The following FYB1 variants were observed in gnomAD, a reference collection of about 807,000 sequenced individuals.
FYB1 encodes the protein FYN binding protein 1.
Under a neutral mutation model 94.1 loss-of-function variants are expected in FYB1, and 41 were observed. The observed-to-expected ratio is 0.44, with a 90% confidence interval of 0.34 to 0.57. FYB1 has a LOEUF of 0.57. Among genes scored for constraint, FYB1 ranks in the 20% least tolerant of loss-of-function variants. The probability of loss-of-function intolerance (pLI) is 0.02; values close to 1 mark genes in which losing one functional copy is unlikely to be tolerated. For synonymous variants in FYB1, 367 were observed against 353.2 expected (o/e 1.04, Z -0.44); for missense variants, 1,050 against 976.8 (o/e 1.07, Z -1.00).
At chr5:39,182,129 G>T (rs1746297103) in intron 2 of FYB1, among the ~76,000 whole-genome samples, 1 of 152,038 alleles carries the variant, frequency 6.6e-6, no homozygotes, top group Non-Finnish European at 1.5e-5. Context: ...ATAAGGTTCG[G>T]TTCCTGCCTA....
chr5:39,234,422 A>G (rs1188809572), intron 1 of FYB1, among the ~76,000 whole-genome samples: 2 of 152,090 alleles, frequency 1.3e-5, no homozygotes, highest in Admixed American at 6.6e-5. Flanking sequence ...TGTGTCAAGG[A>G]GCTCAGTCTT....
intron 7 of FYB1, chr5:39,137,297 G>T: frequency 4.0e-6 from 1 of 251,776 alleles, no homozygotes; most frequent in African/African-American, 2.3e-5. Context: ...AGGCTAATAT[G>T]AAATGCATTA....
At chr5:39,178,096 G>C (rs1167329855) in intron 2 of FYB1, among the ~76,000 whole-genome samples, 2 of 152,102 alleles carry the variant, frequency 1.3e-5, no homozygotes, top group East Asian at 1.9e-4. Flanking sequence ...TGTGAACATT[G>C]GTCCTACTTA....
At chr5:39,240,502 G>T (rs1053309447) in intron 1 of FYB1, among the ~76,000 whole-genome samples, 1 of 152,104 alleles carries the variant, frequency 6.6e-6, no homozygotes. Context: ...ATTAAAAAGT[G>T]GGCAAAGGAC....
At chr5:39,225,308 G>C (rs1391205783) in intron 1 of FYB1, among the ~76,000 whole-genome samples, 1 of 152,170 alleles carries the variant, frequency 6.6e-6, no homozygotes, top group Non-Finnish European at 1.5e-5. Flanking sequence ...GAAGGCTCCA[G>C]AGTTTTAGGT....
intron 1 of FYB1, among the ~76,000 whole-genome samples, chr5:39,246,368 A>G (rs868750525): frequency 2.6e-5 from 4 of 152,224 alleles, no homozygotes; most frequent in African/African-American, 7.2e-5. Flanking sequence ...CATATATTAT[A>G]TAATGAATAT....
intron 1 of FYB1, among the ~76,000 whole-genome samples, chr5:39,214,438 T>A (rs1749682132): frequency 6.6e-6 from 1 of 152,230 alleles, no homozygotes; most frequent in African/African-American, 2.4e-5. Context: ...TATGGGTAGA[T>A]CCCATGTTTA....
intron 1 of FYB1, among the ~76,000 whole-genome samples, chr5:39,204,450 G>A (rs1219632049): frequency 6.6e-6 from 1 of 152,186 alleles, no homozygotes; most frequent in Admixed American, 6.5e-5. Flanking sequence ...TTTGTAAAAT[G>A]CCTGTCTGGT....
intron 1 of FYB1, among the ~76,000 whole-genome samples, chr5:39,227,611 G>A (rs1413231869): frequency 1.3e-5 from 2 of 152,230 alleles, no homozygotes; most frequent in South Asian, 4.1e-4. Flanking sequence ...AAACACTAAA[G>A]TGAATTCATG....
chr5:39,184,234 C>T (rs1746533166), intron 2 of FYB1, among the ~76,000 whole-genome samples: 1 of 151,974 alleles, frequency 6.6e-6, no homozygotes, highest in Admixed American at 6.5e-5. Flanking sequence ...TATAATTCAA[C>T]CAACTGATCA....
chr5:39,238,627 A>T (rs1751072498), intron 1 of FYB1, among the ~76,000 whole-genome samples: 1 of 152,074 alleles, frequency 6.6e-6, no homozygotes, highest in Admixed American at 6.6e-5. Flanking sequence ...GAAGAGAGAA[A>T]AAAGAGCCCC....
intron 12 of FYB1, among the ~76,000 whole-genome samples, chr5:39,124,547 C>A (rs1740444897): frequency 6.6e-6 from 1 of 152,062 alleles, no homozygotes; most frequent in African/African-American, 2.4e-5. Context: ...TGCCCATAGC[C>A]ACTGGATCAA....
intron 3 of FYB1, 129 bp from the exon 4 acceptor site, chr5:39,141,270 G>A: frequency 2.9e-6 from 2 of 685,016 alleles, no homozygotes; most frequent in Non-Finnish European, 5.1e-6. Context: ...TAAAGCTTCA[G>A]ACATCACTAG....
intron 3 of FYB1, among the ~76,000 whole-genome samples, chr5:39,142,374 A>G (rs571642528): frequency 1.3e-5 from 2 of 152,044 alleles, no homozygotes; most frequent in Admixed American, 1.3e-4. Flanking sequence ...AAGAAAATAC[A>G]TTTTCTTAAC....
intron 2 of FYB1, among the ~76,000 whole-genome samples, chr5:39,157,719 G>T (rs193119895): frequency 3.3e-5 from 5 of 152,254 alleles, no homozygotes; most frequent in African/African-American, 4.8e-5. Flanking sequence ...CCAAAGCTCA[G>T]GGGGGGAATG....
At chr5:39,142,513 T>G (rs1290221810) in intron 3 of FYB1, among the ~76,000 whole-genome samples, 1 of 152,194 alleles carries the variant, frequency 6.6e-6, no homozygotes, top group East Asian at 1.9e-4. Context: ...TTCCATGTGT[T>G]GCTTTATTAC....
chr5:39,225,391 T>G (rs1750428454), intron 1 of FYB1, among the ~76,000 whole-genome samples: 1 of 152,172 alleles, frequency 6.6e-6, no homozygotes, highest in Non-Finnish European at 1.5e-5. Flanking sequence ...CCAACTAACA[T>G]CTAAGTAAAG....
chr5:39,143,001 A>G (rs1409580679), intron 3 of FYB1, among the ~76,000 whole-genome samples: 1 of 151,948 alleles, frequency 6.6e-6, no homozygotes, highest in Non-Finnish European at 1.5e-5. Flanking sequence ...TTAAATGATG[A>G]TGTTCTGTTG....
chr5:39,266,629 G>T (rs752677519), intron 1 of FYB1, among the ~76,000 whole-genome samples: 2 of 152,238 alleles, frequency 1.3e-5, no homozygotes, highest in South Asian at 4.2e-4. Flanking sequence ...GGTGGGGATT[G>T]GTCACAGTGG....
Sources: allele counts gnomAD v4.1 joint callset (sites outside exome capture counted in the v4.1 genomes callset), GRCh38; gene constraint gnomAD v4.1.1; transcripts MANE v1.5; gene names NCBI Gene and HGNC (gene_info 2026-07-23, HGNC 2026-07-21).